The following ZC3H6 variants were observed in gnomAD, a reference collection of about 807,000 sequenced individuals.
ZC3H6 encodes zinc finger CCCH-type containing 6.
In ZC3H6, 40 loss-of-function variants were observed where a neutral mutation model predicts 107.7. The observed-to-expected ratio is 0.37, with a 90% CI of 0.29 to 0.48. The LOEUF is 0.48. Among genes scored for constraint, ZC3H6 ranks in the 20% least tolerant of loss-of-function variants. The pLI, the probability that ZC3H6 is intolerant of heterozygous loss-of-function variation, is 0.98. For synonymous variants in ZC3H6, 493 were observed against 487.9 expected, an observed-to-expected ratio of 1.01 and a Z score of -0.14; for missense variants, 1,267 against 1,410.4, an observed-to-expected ratio of 0.90 and a Z score of 1.63.
chr2:112,283,585 G>A (rs1686561472), intron 1 of ZC3H6, among the ~76,000 whole-genome samples: 1 of 152,218 alleles, frequency 6.6e-6, no homozygotes, highest in Non-Finnish European at 1.5e-5. Context: ...ATCAGAGTTT[G>A]TAATTTCCAT....
At chr2:112,315,092 A>C (rs1003714189) in intron 5 of ZC3H6, among the ~76,000 whole-genome samples, 6 of 152,240 alleles carry the variant, frequency 3.9e-5, no homozygotes, top group Non-Finnish European at 7.3e-5. Flanking sequence ...AAGGGAAAAC[A>C]GAAATCAAAT....
chr2:112,311,757 G>C, intron 4 of ZC3H6, 47 bp from the exon 5 acceptor site: 1 of 1,512,888 alleles, frequency 6.6e-7, no homozygotes, highest in South Asian at 1.2e-5. Context: ...TAAATTGAAA[G>C]GTATGCTGTT....
intron 5 of ZC3H6, among the ~76,000 whole-genome samples, chr2:112,314,043 TTTCC>T (rs1190128591): frequency 6.6e-6 from 1 of 152,196 alleles, no homozygotes; most frequent in Admixed American, 6.5e-5. Flanking sequence ...GATCCTTACA[TTTCC>T]TCTACCTGAT....
In ZC3H6 at chr2:112,285,701, C is replaced by T. The variant is rs577892049; in HGVS notation, c.32+9675C>T. On this transcript the variant is annotated intron_variant, in intron 1 of 11. Coordinates refer to ENST00000409871, the MANE Select transcript of ZC3H6 (RefSeq NM_198581.3). ...TTCTCGGGCCGTGTGTGGTGGCTCA[C>T]GCCTGTAATCTCAGCACTGTGGAAG... Among the ~76,000 whole-genome samples, 18 of 152,170 alleles carry T rather than the reference C, an allele frequency of 1.2e-4. No homozygotes were observed. In the East Asian group the frequency reaches 2.9e-3, roughly 25 times the overall value.
At chr2:112,291,059 A>G (rs1676104513) in intron 1 of ZC3H6, among the ~76,000 whole-genome samples, 1 of 152,244 alleles carries the variant, frequency 6.6e-6, no homozygotes, top group South Asian at 2.1e-4. Context: ...CTGTTGTCTT[A>G]GGCCTAACTT....
chr2:112,326,823 C>T (rs1407524360), intron 11 of ZC3H6, among the ~76,000 whole-genome samples: 1 of 151,968 alleles, frequency 6.6e-6, no homozygotes, highest in African/African-American at 2.4e-5. Flanking sequence ...GTGTTGGCCA[C>T]GCTTGTCACG....
chr2:112,323,946 G>A lies in ZC3H6; in HGVS notation c.1341-206G>A, dbSNP rs532827728. The stretch of plus-strand genomic sequence containing the variant: ...AACAGTAAGTTTTAGAACAGCTAAC[G>A]GTAAGCAGCAAGTGGGCTAAAATGA... On this transcript the variant is annotated intron_variant, in intron 9 of 11. Transcript: ENST00000409871. 1.6e-4 allele frequency among the ~76,000 whole-genome samples: 24 copies of A among 152,198 alleles called. 1 individual carries two copies. The highest frequency in any genetic ancestry group is 1.4e-3 in the Admixed American group (22 of 15,282).
At position 112,316,581 on chromosome 2, in the gene ZC3H6, A is replaced by G; in HGVS notation, c.859A>G (p.Ile287Val). 6.4e-7 allele frequency: 1 copy of G among 1,573,710 alleles called. No homozygotes were observed. Among genetic ancestry groups the G allele is most frequent in the Non-Finnish European group, 8.7e-7 (1 of 1,153,528 alleles). Residue 287 changes from isoleucine (I) to valine (V), a missense_variant, in exon 6 of 12, where the codon ATT becomes GTT. Around this residue, in one of 3 missense-constraint regions of ZC3H6, gnomAD observed 337 missense variants for 361.2 expected, o/e 0.93. Coordinates refer to ENST00000409871, the MANE Select transcript of ZC3H6 (RefSeq NM_198581.3). ...TAAATACTTCCTGGAAGGGAGGTGT[A>G]TTAAGGTAAATTTATAGAGGTATCA... Reference protein sequence around the residue: ...ICKYFLEGRCIKGDQCKFDHD... With the variant: ...ICKYFLEGRCVKGDQCKFDHD...
At chr2:112,305,684 A>G (rs1233029177) in intron 3 of ZC3H6, among the ~76,000 whole-genome samples, 1 of 152,192 alleles carries the variant, frequency 6.6e-6, no homozygotes, top group Non-Finnish European at 1.5e-5. Flanking sequence ...TGCATCGTTT[A>G]GCCTTTGCTT....
chr2:112,313,201 C>T (rs1279277062), intron 5 of ZC3H6, among the ~76,000 whole-genome samples: 1 of 151,910 alleles, frequency 6.6e-6, no homozygotes, highest in Non-Finnish European at 1.5e-5. Flanking sequence ...TATTTTTTTC[C>T]CTACACACCT....
intron 4 of ZC3H6, 102 bp from the exon 5 acceptor site, chr2:112,311,702 C>T: frequency 7.3e-6 from 7 of 963,508 alleles, no homozygotes; most frequent in Non-Finnish European, 1.0e-5. Flanking sequence ...AAAGAATGCA[C>T]TGTATATTAT....
intron 3 of ZC3H6, 54 bp from the exon 4 acceptor site, chr2:112,309,831 C>T: frequency 6.6e-7 from 1 of 1,506,010 alleles, no homozygotes; most frequent in Non-Finnish European, 8.9e-7. Context: ...GTGCTACTGT[C>T]AATTGCTATA....
At chr2:112,325,510 A>G (rs569027670) in intron 11 of ZC3H6, among the ~76,000 whole-genome samples, 3 of 152,248 alleles carry the variant, frequency 2.0e-5, no homozygotes, top group South Asian at 4.1e-4. Context: ...TTCTATTTCC[A>G]ATGTATTTCA....
chr2:112,324,186 G>C lies in ZC3H6; in HGVS notation c.1375G>C (p.Gly459Arg). Residue 459 changes from glycine (G) to arginine (R), a missense_variant, in exon 10 of 12, where the codon GGA (glycine) becomes CGA (arginine). By Grantham distance (125) the Gly-to-Arg change is moderately radical (BLOSUM62 -2). Coordinates refer to ENST00000409871, the MANE Select transcript of ZC3H6 (RefSeq NM_198581.3). The part of the protein sequence containing the change: ...PAFYTSASPP[G>R]PQFQGSSPHP... ...ATTTTATACCAGTGCCTCACCACCA[G>C]GACCACAATTTCAGGGAAGCAGTCC... The C allele has an allele frequency of 6.3e-7, 1 of 1,591,126 alleles. No homozygotes were observed. Among genetic ancestry groups the C allele is most frequent in the Non-Finnish European group, 8.6e-7 (1 of 1,161,250 alleles).
intron 3 of ZC3H6, among the ~76,000 whole-genome samples, chr2:112,304,106 A>G (rs985093140): frequency 6.6e-6 from 1 of 152,208 alleles, no homozygotes. Context: ...ATTTCTCTAC[A>G]TCCTTGCCAA....
At chr2:112,278,908 A>G (rs1426374620) in intron 1 of ZC3H6, among the ~76,000 whole-genome samples, 2 of 152,216 alleles carry the variant, frequency 1.3e-5, no homozygotes, top group Non-Finnish European at 2.9e-5. Context: ...GGCGTGAGCC[A>G]CCACGCCTGG....
chr2:112,330,959 TAAGTTTATAATATA>T (rs1677016697), intron 11 of ZC3H6, 32 bp from the exon 12 acceptor site: 18 of 881,572 alleles, frequency 2.0e-5, no homozygotes, highest in East Asian at 4.1e-5. Flanking sequence ...TATTATATTA[TAAGTTTATAATATA>T]AAGTTTATAA....
chr2:112,311,523 A>T (rs1417495104), intron 4 of ZC3H6, among the ~76,000 whole-genome samples: 1 of 152,194 alleles, frequency 6.6e-6, no homozygotes, highest in Non-Finnish European at 1.5e-5. Context: ...AAGGCTTGTT[A>T]ATGATCTTAT....
Position 112,288,314 on chromosome 2 carries a change from C to T in ZC3H6, c.33-11535C>T, listed in dbSNP as rs1227485143. Among the ~76,000 whole-genome samples the T allele has an allele frequency of 4.6e-5, 7 of 152,260 alleles. No individual in the cohort carries two copies. In the East Asian group the frequency reaches 1.3e-3, roughly 29 times the overall value. On this transcript the variant is annotated intron_variant, in intron 1 of 11. Transcript: ENST00000409871. The stretch of plus-strand genomic sequence containing the variant: ...CCTTCTCCTTGGATTTGTAACCTTT[C>T]CCAGTTCATTTCTGTGGAAGTACTT...
Sources: gnomAD v4.1 joint callset for allele counts (sites outside exome capture counted in the v4.1 genomes callset) on GRCh38, gnomAD v4.1.1 for gene constraint, gnomAD v4.1.1 regional missense constraint, MANE v1.5 for transcripts, NCBI Gene and HGNC (gene_info 2026-07-23, HGNC 2026-07-21) for gene names.